Variants in LYPD6 observed in about 807,000 individuals in gnomAD.
The protein encoded by LYPD6 is LY6/PLAUR domain containing 6, also known as ly6/PLAUR domain-containing protein 6.
Under a neutral mutation model 22.7 loss-of-function variants are expected in LYPD6, and 15 were observed. The ratio of observed to expected loss-of-function variants is 0.66; its 90% confidence interval spans 0.44 to 1.02. LYPD6 has a LOEUF of 1.02. Ranked by LOEUF, LYPD6 falls within the 50% of genes least tolerant of loss-of-function variation. LYPD6 has a pLI of 0.00. For missense variants in LYPD6, 189 were observed against 208.4 expected, an observed-to-expected ratio of 0.91 and a Z score of 0.57; for synonymous variants, 72 against 77.5, an observed-to-expected ratio of 0.93 and a Z score of 0.37.
At chr2:149,443,930 CTTTTT>C (rs766245738) in intron 2 of LYPD6, among the ~76,000 whole-genome samples, 1 of 114,076 alleles carries the variant, frequency 8.8e-6, no homozygotes, top group Non-Finnish European at 1.8e-5. Flanking sequence ...ATGTGCATAT[CTTTTT>C]TTTTTTTTTT....
At chr2:149,416,478 T>G (rs1682964531) in intron 1 of LYPD6, among the ~76,000 whole-genome samples, 1 of 152,176 alleles carries the variant, frequency 6.6e-6, no homozygotes, top group East Asian at 1.9e-4. Context: ...TGCCTCTTCC[T>G]GCCAATTAGG....
intron 2 of LYPD6, among the ~76,000 whole-genome samples, chr2:149,443,930 C>A (rs941680315): frequency 8.8e-6 from 1 of 114,082 alleles, no homozygotes. Flanking sequence ...ATGTGCATAT[C>A]TTTTTTTTTT....
At chr2:149,464,452 T>C (rs1681158545) in intron 3 of LYPD6, 1 of 169,196 alleles carries the variant, frequency 5.9e-6, no homozygotes, top group South Asian at 1.6e-4. Flanking sequence ...AGGAGACAGT[T>C]TGGAGCCTCC....
At chr2:149,465,298 G>A (rs960028456) in intron 3 of LYPD6, among the ~76,000 whole-genome samples, 2 of 152,114 alleles carry the variant, frequency 1.3e-5, no homozygotes, top group Admixed American at 1.3e-4. Context: ...ATGGGAAAAG[G>A]GCATGGAATT....
At chr2:149,410,889 A>G (rs548589069) in intron 1 of LYPD6, among the ~76,000 whole-genome samples, 2 of 152,194 alleles carry the variant, frequency 1.3e-5, no homozygotes, top group South Asian at 2.1e-4. Flanking sequence ...TGTGTTTTCT[A>G]TTTAGATCAT....
chr2:149,420,855 T>C (rs1683062254), intron 1 of LYPD6, among the ~76,000 whole-genome samples: 1 of 152,188 alleles, frequency 6.6e-6, no homozygotes. Flanking sequence ...GCCTGTGGAA[T>C]AACAGAATAC....
At chr2:149,403,199 A>G (rs1246298834) in intron 1 of LYPD6, among the ~76,000 whole-genome samples, 3 of 152,086 alleles carry the variant, frequency 2.0e-5, no homozygotes, top group African/African-American at 4.8e-5. Flanking sequence ...ATATGTGTGC[A>G]TGTGTCTTTA....
intron 3 of LYPD6, among the ~76,000 whole-genome samples, chr2:149,467,092 G>T (rs1681217708): frequency 6.6e-6 from 1 of 152,196 alleles, no homozygotes; most frequent in Admixed American, 6.5e-5. Flanking sequence ...CAACAGAAAA[G>T]CAATCACTCC....
At chr2:149,421,829 A>G (rs1683087702) in intron 1 of LYPD6, among the ~76,000 whole-genome samples, 1 of 152,070 alleles carries the variant, frequency 6.6e-6, no homozygotes, top group Admixed American at 6.6e-5. Flanking sequence ...TGTCTGTGAA[A>G]CCGTTTTCTC....
chr2:149,480,028 T>TG, the LYPD6 span, among the ~76,000 whole-genome samples: 5 of 151,990 alleles, frequency 3.3e-5, no homozygotes, highest in Admixed American at 3.3e-4. Flanking sequence ...TCTTTTTTTT[T>TG]TTTTGTTTTG....
At chr2:149,460,147 C>T (rs1681055445) in intron 3 of LYPD6, among the ~76,000 whole-genome samples, 1 of 152,066 alleles carries the variant, frequency 6.6e-6, no homozygotes, top group African/African-American at 2.4e-5. Flanking sequence ...AAAACAAAAA[C>T]AAGACAGAAA....
At chr2:149,479,775 G>T in the LYPD6 span, among the ~76,000 whole-genome samples, 2 of 151,960 alleles carry the variant, frequency 1.3e-5, no homozygotes, top group Non-Finnish European at 2.9e-5. Flanking sequence ...ATCCCTTCTT[G>T]CCCTATTTCA....
intron 1 of LYPD6, among the ~76,000 whole-genome samples, chr2:149,378,665 T>A (rs1238891131): frequency 6.6e-6 from 1 of 152,138 alleles, no homozygotes; most frequent in Non-Finnish European, 1.5e-5. Flanking sequence ...CATTCAGCAA[T>A]TTGCCCTGTA....
intron 3 of LYPD6, among the ~76,000 whole-genome samples, chr2:149,462,999 A>G (rs967282151): frequency 5.3e-5 from 8 of 152,098 alleles, no homozygotes; most frequent in Non-Finnish European, 7.4e-5. Flanking sequence ...TCTTAGACTT[A>G]ATACCAAAAG....
intron 1 of LYPD6, among the ~76,000 whole-genome samples, chr2:149,353,620 C>A (rs777348786): frequency 2.0e-5 from 3 of 152,036 alleles, no homozygotes; most frequent in Non-Finnish European, 2.9e-5. Context: ...TTCTGGGCAA[C>A]TCTAGAATTT....
chr2:149,411,059 A>G (rs902984769), intron 1 of LYPD6, among the ~76,000 whole-genome samples: 2 of 152,204 alleles, frequency 1.3e-5, no homozygotes, highest in Non-Finnish European at 2.9e-5. Context: ...TGGTTGGTCT[A>G]AGGTCCAAAG....
chr2:149,408,216 G>A (rs564430240), intron 1 of LYPD6, among the ~76,000 whole-genome samples: 9 of 152,244 alleles, frequency 5.9e-5, no homozygotes, highest in Admixed American at 3.9e-4. Flanking sequence ...CAGTCTGCCC[G>A]TTCTCAGATC....
intron 1 of LYPD6, among the ~76,000 whole-genome samples, chr2:149,419,860 C>G (rs1683042222): frequency 1.3e-5 from 2 of 151,900 alleles, no homozygotes; most frequent in Non-Finnish European, 2.9e-5. Context: ...GTCTGTGTTT[C>G]TTTCTGCTCA....
At position 149,383,516 on chromosome 2, in the gene LYPD6, T is replaced by C. The variant is rs139763760; in HGVS notation, c.-72+52794T>C. Among the ~76,000 whole-genome samples the C allele has an allele frequency of 3.9e-5, 6 of 152,250 alleles. No homozygotes were observed. The East Asian group carries it at 1.2e-3, about 29-fold the overall frequency. On this transcript the variant is annotated intron_variant, in intron 1 of 4. Transcript: ENST00000334166. ...CGTTGCCACATGTACAGTCCAAAGATGAAACTCAGTTCAGTTTAAAGAGAC... is the reference window on the plus strand; with the variant it reads ...CGTTGCCACATGTACAGTCCAAAGACGAAACTCAGTTCAGTTTAAAGAGAC...
Sources: gnomAD v4.1 joint callset for allele counts (sites outside exome capture counted in the v4.1 genomes callset) on GRCh38, gnomAD v4.1.1 for gene constraint, MANE v1.5 for transcripts, NCBI Gene and HGNC (gene_info 2026-07-23, HGNC 2026-07-21) for gene names.